Variants in TOGARAM1 observed in about 807,000 individuals in gnomAD.
TOGARAM1 encodes TOG array regulator of axonemal microtubules 1, also known as TOG array regulator of axonemal microtubules protein 1.
A neutral mutation model predicts 166.6 loss-of-function variants in TOGARAM1; 100 were observed. That is an observed-to-expected ratio of 0.60 (90% CI 0.51 to 0.71). TOGARAM1 has a LOEUF of 0.71. TOGARAM1 is among the 30% of genes least tolerant of loss of function. TOGARAM1 has a pLI of 0.00. For missense variants in TOGARAM1, 2,029 were observed against 2,102.7 expected (o/e 0.96, Z 0.69); for synonymous variants, 758 against 763.8 (o/e 0.99, Z 0.13).
chr14:45,015,187 C>A (rs1880046852), intron 7 of TOGARAM1, among the ~76,000 whole-genome samples: 1 of 151,854 alleles, frequency 6.6e-6, no homozygotes, highest in South Asian at 2.1e-4. Context: ...CGCCTGTAGT[C>A]CCAGCTATTC....
At chr14:45,058,121 A>G (rs1882727862) in intron 16 of TOGARAM1, among the ~76,000 whole-genome samples, 1 of 152,132 alleles carries the variant, frequency 6.6e-6, no homozygotes, top group South Asian at 2.1e-4. Flanking sequence ...AATCTGGGTG[A>G]TCCAGTGTTG....
intron 1 of TOGARAM1, among the ~76,000 whole-genome samples, chr14:44,992,795 T>G (rs2138799278): frequency 6.6e-6 from 1 of 151,694 alleles, no homozygotes; most frequent in African/African-American, 2.4e-5. Flanking sequence ...TTTTTGTATT[T>G]TTTAGTAGAG....
chr14:45,006,402 G>A lies in TOGARAM1; in HGVS notation c.2904+135G>A, dbSNP rs1313833446. Reference sequence around the variant, plus strand: ...AAAATATGTTCATTATAGAAAATGTGGAAAATACCATGAATTAGTAGGAAG... The same window carrying A: ...AAAATATGTTCATTATAGAAAATGTAGAAAATACCATGAATTAGTAGGAAG... On this transcript the variant is annotated intron_variant, in intron 5 of 19. Coordinates refer to ENST00000361462, the MANE Select transcript of TOGARAM1 (RefSeq NM_001308120.2). The A allele has an allele frequency of 1.6e-5, 10 of 641,476 alleles. No individual in the cohort carries two copies. The East Asian group carries it at 2.3e-4, about 15-fold the overall frequency. 39.7% of individuals were successfully genotyped at this position (641,476 alleles called of 1,614,324 possible).
chr14:45,019,981 C>T (rs1880400869), intron 7 of TOGARAM1, among the ~76,000 whole-genome samples: 1 of 152,154 alleles, frequency 6.6e-6, no homozygotes, highest in Admixed American at 6.5e-5. Flanking sequence ...CAGGCTGGTC[C>T]AGGGGTCTGT....
At chr14:45,010,465 T>A (rs542443412) in intron 6 of TOGARAM1, among the ~76,000 whole-genome samples, 1 of 152,316 alleles carries the variant, frequency 6.6e-6, no homozygotes, top group Non-Finnish European at 1.5e-5. Context: ...TTTATGATCT[T>A]CCATGAAGAT....
At chr14:45,026,862 G>A (rs1009222373) in intron 8 of TOGARAM1, among the ~76,000 whole-genome samples, 1 of 150,554 alleles carries the variant, frequency 6.6e-6, no homozygotes, top group African/African-American at 2.5e-5. Context: ...CAAAAAATTG[G>A]GCAGGCCTGG....
intron 5 of TOGARAM1, among the ~76,000 whole-genome samples, chr14:45,008,562 T>G (rs149034642): frequency 2.6e-4 from 40 of 152,322 alleles, no homozygotes; most frequent in African/African-American, 9.4e-4. Context: ...GGTGTACCTC[T>G]GTGACATCAA....
intron 1 of TOGARAM1, among the ~76,000 whole-genome samples, chr14:44,970,790 T>A (rs1001115973): frequency 6.6e-6 from 1 of 152,220 alleles, no homozygotes; most frequent in African/African-American, 2.4e-5. Flanking sequence ...TCTATTGATA[T>A]AATTATGTGA....
chr14:44,981,087 C>G (rs1290021717), intron 1 of TOGARAM1, among the ~76,000 whole-genome samples: 1 of 152,006 alleles, frequency 6.6e-6, no homozygotes, highest in African/African-American at 2.4e-5. Context: ...CTAAACTCAT[C>G]ATAGGTCCAT....
At chr14:45,011,399 G>A (rs1325523274) in intron 6 of TOGARAM1, among the ~76,000 whole-genome samples, 1 of 152,102 alleles carries the variant, frequency 6.6e-6, no homozygotes, top group Non-Finnish European at 1.5e-5. Context: ...TGCAACCCCT[G>A]CCTCCTGGGC....
intron 13 of TOGARAM1, among the ~76,000 whole-genome samples, 159 bp downstream of exon 13, chr14:45,045,029 G>A (rs1881919779): frequency 6.6e-6 from 1 of 152,130 alleles, no homozygotes; most frequent in Admixed American, 6.5e-5. Flanking sequence ...TGCCGAATAT[G>A]AAAAGAATAA....
intron 4 of TOGARAM1, among the ~76,000 whole-genome samples, chr14:45,004,888 A>T (rs796432135): frequency 2.4e-4 from 37 of 152,300 alleles, no homozygotes; most frequent in African/African-American, 7.9e-4. Flanking sequence ...TTTATTCAAT[A>T]TTTATTGAAT....
At chr14:45,072,001 A>G (rs1489198801) in intron 19 of TOGARAM1, among the ~76,000 whole-genome samples, 1 of 152,184 alleles carries the variant, frequency 6.6e-6, no homozygotes, top group East Asian at 1.9e-4. Context: ...TTTTTTTTCC[A>G]GTAAATGTTC....
At chr14:44,991,739 T>A (rs541731651) in intron 1 of TOGARAM1, among the ~76,000 whole-genome samples, 52 of 152,092 alleles carry the variant, frequency 3.4e-4, no homozygotes, top group African/African-American at 3.1e-4. Flanking sequence ...TTGTTTTTTT[T>A]TTAAAATAGC....
At chr14:44,993,597 C>T (rs1337901522) in intron 1 of TOGARAM1, among the ~76,000 whole-genome samples, 3 of 152,202 alleles carry the variant, frequency 2.0e-5, no homozygotes, top group East Asian at 1.9e-4. Context: ...ACTTTTTCTT[C>T]GTTCATTGTT....
In TOGARAM1 at chr14:44,962,469, C is replaced by G; in HGVS notation, c.48C>G (p.Val16=). The G allele has an allele frequency of 6.2e-7, 1 of 1,604,224 alleles. No homozygotes were observed. Among genetic ancestry groups the G allele is most frequent in the South Asian group, 1.1e-5 (1 of 89,846 alleles). Residue 16 remains valine, a synonymous_variant, in exon 1 of 20, where the codon GTC becomes GTG. Coordinates refer to ENST00000361462, the MANE Select transcript of TOGARAM1 (RefSeq NM_001308120.2). The part of the protein sequence containing the change: ...SALLLLPPFP[V]LSTYRLQSRS... The stretch of plus-strand genomic sequence containing the variant: ...TGCTTCTGCTGCCGCCCTTTCCAGT[C>G]CTCTCTACCTATCGGCTCCAGAGCC...
chr14:45,038,121 G>A (rs1043792910), intron 11 of TOGARAM1, among the ~76,000 whole-genome samples: 4 of 152,202 alleles, frequency 2.6e-5, no homozygotes, highest in Admixed American at 1.3e-4. Flanking sequence ...TACTCGGGCT[G>A]GTTTCAAATA....
At chr14:45,008,296 T>C (rs1305908848) in intron 5 of TOGARAM1, 1 of 150,860 alleles carries the variant, frequency 6.6e-6, no homozygotes, top group Non-Finnish European at 1.5e-5. Context: ...TGGAGTGCAA[T>C]GGTGCAATCT....
intron 7 of TOGARAM1, among the ~76,000 whole-genome samples, chr14:45,014,936 C>G (rs1880027358): frequency 6.6e-6 from 1 of 152,168 alleles, no homozygotes; most frequent in African/African-American, 2.4e-5. Flanking sequence ...ATTCTACAGT[C>G]CTTTCTAGCT....
Sources: gnomAD v4.1 joint callset for allele counts (sites outside exome capture counted in the v4.1 genomes callset) on GRCh38, gnomAD v4.1.1 for gene constraint, MANE v1.5 for transcripts, NCBI Gene and HGNC (gene_info 2026-07-23, HGNC 2026-07-21) for gene names.